Variants in ARHGEF10L observed in about 807,000 individuals in gnomAD.
ARHGEF10L encodes Rho guanine nucleotide exchange factor 10 like, also known as rho guanine nucleotide exchange factor 10-like protein.
In ARHGEF10L, 69 loss-of-function variants were observed where a neutral mutation model predicts 141.2. The observed-to-expected ratio is 0.49, with a 90% CI of 0.40 to 0.60. The LOEUF (loss-of-function observed/expected upper bound fraction) is 0.60, where lower values mean the gene tolerates loss of function less well. Ranked by LOEUF, ARHGEF10L falls within the 20% of genes least tolerant of loss-of-function variation. The pLI is 0.00. For synonymous variants in ARHGEF10L, 711 were observed against 718.5 expected (o/e 0.99, Z 0.17); for missense variants, 1,482 against 1,734.3 (o/e 0.85, Z 2.58).
chr1:17,556,069 GCACGGGGGTGGGCCTGGGAA>G (rs1219139367), intron 1 of ARHGEF10L, among the ~76,000 whole-genome samples: 1 of 147,184 alleles, frequency 6.8e-6, no homozygotes, highest in African/African-American at 2.5e-5. Context: ...GAGCCTGGGA[GCACGGGGGTGGGCCTGGGAA>G]CACAGGGATG....
At chr1:17,657,313 T>C (rs1048062497) in intron 25 of ARHGEF10L, among the ~76,000 whole-genome samples, 4 of 152,238 alleles carry the variant, frequency 2.6e-5, no homozygotes, top group African/African-American at 9.6e-5. Flanking sequence ...ATCTTAATTC[T>C]CATGCACCCC....
At position 17,656,829 on chromosome 1, in the gene ARHGEF10L, A is replaced by C. The variant is rs2062289579; in HGVS notation, c.2860+121A>C. ...AATGAATTGGGAAATCTCAGTGCTG[A>C]GGGCATTTGGAGATCCGTGAGCCCC... On this transcript the variant is annotated intron_variant, in intron 25 of 28. Transcript: ENST00000361221. The surrounding 1 kb of genome is among the most constrained non-coding windows in gnomAD (Gnocchi z 4.9). 1 of 1,293,366 alleles carries C rather than the reference A, an allele frequency of 7.7e-7. No individual in the cohort carries two copies. Among genetic ancestry groups the C allele is most frequent in the Admixed American group, 2.5e-5 (1 of 40,234 alleles). The allele number at this position is 1,293,366 out of a possible 1,614,324, so 80.1% of individuals were successfully genotyped here.
intron 26 of ARHGEF10L, among the ~76,000 whole-genome samples, chr1:17,685,092 G>A (rs1255069918): frequency 3.9e-5 from 6 of 152,168 alleles, no homozygotes; most frequent in Non-Finnish European, 5.9e-5. Flanking sequence ...GGAAGGAGCT[G>A]GGGCCATCCT....
chr1:17,541,494 G>A (rs911908951), intron 1 of ARHGEF10L, among the ~76,000 whole-genome samples: 1 of 152,194 alleles, frequency 6.6e-6, no homozygotes, highest in South Asian at 2.1e-4. Context: ...GTCTGGGGAG[G>A]GGCGAAAGCT....
chr1:17,597,311 G>C (rs2080204568), intron 4 of ARHGEF10L, among the ~76,000 whole-genome samples: 1 of 152,120 alleles, frequency 6.6e-6, no homozygotes, highest in Non-Finnish European at 1.5e-5. Context: ...GCCCCTGAAG[G>C]AGTGTTTGTT....
At chr1:17,599,190 G>T (rs1173327154) in intron 4 of ARHGEF10L, among the ~76,000 whole-genome samples, 1 of 152,046 alleles carries the variant, frequency 6.6e-6, no homozygotes, top group African/African-American at 2.4e-5. Flanking sequence ...ACAAAAATTA[G>T]GTGGGCATAG....
At chr1:17,649,473 G>A (rs369188379) in intron 22 of ARHGEF10L, among the ~76,000 whole-genome samples, 2 of 152,220 alleles carry the variant, frequency 1.3e-5, no homozygotes, top group South Asian at 2.1e-4. Flanking sequence ...GAGATGCGCC[G>A]ATTGGGCTGT....
At chr1:17,681,006 C>G (rs2064091208) in intron 26 of ARHGEF10L, among the ~76,000 whole-genome samples, 2 of 152,128 alleles carry the variant, frequency 1.3e-5, no homozygotes, top group Admixed American at 1.3e-4. Flanking sequence ...CTGCTGACCT[C>G]AAGTGATCCA....
At chr1:17,523,592 G>C in the ARHGEF10L span, among the ~76,000 whole-genome samples, 1 of 152,090 alleles carries the variant, frequency 6.6e-6, no homozygotes. Flanking sequence ...AGTTGAAAGC[G>C]CACTTCACCC....
At chr1:17,514,125 CTTTTTTTTTTTTTTTTTTT>C in the ARHGEF10L span, among the ~76,000 whole-genome samples, 4 of 40,478 alleles carry the variant, frequency 9.9e-5, no homozygotes, top group South Asian at 3.1e-3. Context: ...CACCCAGCCT[CTTTTTTTTTTTTTTTTTTT>C]TTTTTTTTTT....
chr1:17,631,141 A>G (rs2153341), intron 15 of ARHGEF10L, among the ~76,000 whole-genome samples: 3,583 of 127,152 alleles, frequency 0.028, 154 homozygotes, highest in African/African-American at 0.1. Context: ...CTGTCCTTTT[A>G]TGTCCCGGGG....
chr1:17,682,265 A>G (rs1375455488), intron 26 of ARHGEF10L, among the ~76,000 whole-genome samples: 1 of 152,052 alleles, frequency 6.6e-6, no homozygotes, highest in Non-Finnish European at 1.5e-5. Context: ...GATACCTCTG[A>G]TTTAGATTTG....
At chr1:17,660,577 G>A (rs890064705) in intron 25 of ARHGEF10L, among the ~76,000 whole-genome samples, 7 of 152,120 alleles carry the variant, frequency 4.6e-5, no homozygotes, top group African/African-American at 7.2e-5. Flanking sequence ...CCTCTCAGCC[G>A]TGATGACTTT....
chr1:17,527,173 A>G, the ARHGEF10L span, among the ~76,000 whole-genome samples: 1 of 152,352 alleles, frequency 6.6e-6, no homozygotes. Context: ...AAAGGAAACT[A>G]GAAACCCTGG....
intron 21 of ARHGEF10L, 29 bp downstream of exon 21, chr1:17,640,331 A>AG (rs1491248684): frequency 1.3e-6 from 2 of 1,571,932 alleles, no homozygotes; most frequent in African/African-American, 2.7e-5. Context: ...AGAGTGCCTC[A>AG]GGGGGCAGGG....
the ARHGEF10L span, among the ~76,000 whole-genome samples, chr1:17,513,803 CTCTT>C: frequency 8.2e-4 from 124 of 152,126 alleles, no homozygotes; most frequent in African/African-American, 2.7e-3. Context: ...TTCTTTTTTT[CTCTT>C]TCTTTTTTCT....
In ARHGEF10L at chr1:17,685,541, G is replaced by A. The variant is rs113208599; in HGVS notation, c.3010-2032G>A. Among the ~76,000 whole-genome samples, 1,261 of 152,318 alleles carry A rather than the reference G, an allele frequency of 8.3e-3. 23 individuals are homozygous for A. Among genetic ancestry groups the A allele is most frequent in the African/African-American group, 0.029 (1,224 of 41,568 alleles). On this transcript the variant is annotated intron_variant, in intron 26 of 28. Coordinates refer to ENST00000361221, the MANE Select transcript of ARHGEF10L (RefSeq NM_018125.4). ...ACCTTCCCTGACCCCAGTCTTAATG[G>A]CTTTCAGTATTTTTTCTGTGCAGTG... is the stretch of plus-strand genomic sequence containing the variant.
rs569945232 is a variant in ARHGEF10L, at chr1:17,588,027, G to A, written c.223+382G>A. Reference sequence around the variant, plus strand: ...TGCCTTGGGGAGCTGGCAACCCTGGGGGGCAGGAGGGCCCTGATAAGCTGG... The same window carrying A: ...TGCCTTGGGGAGCTGGCAACCCTGGAGGGCAGGAGGGCCCTGATAAGCTGG... On this transcript the variant is annotated intron_variant, in intron 3 of 28. Transcript: ENST00000361221. 8.5e-4 allele frequency among the ~76,000 whole-genome samples: 130 copies of A among 152,344 alleles called. 1 individual carries two copies. The Middle Eastern group carries it at 0.01, about 12-fold the overall frequency.
chr1:17,647,729 G>C (rs1389645689), intron 21 of ARHGEF10L, among the ~76,000 whole-genome samples: 1 of 152,040 alleles, frequency 6.6e-6, no homozygotes, highest in Admixed American at 6.6e-5. Context: ...AGTAAGACAG[G>C]GTCTTTAGAG....
Sources: allele counts gnomAD v4.1 joint callset (sites outside exome capture counted in the v4.1 genomes callset), GRCh38; gene constraint gnomAD v4.1.1; non-coding constraint Gnocchi (gnomAD v3.1); transcripts MANE v1.5; gene names NCBI Gene and HGNC (gene_info 2026-07-23, HGNC 2026-07-21).